KALRN: variants seen among roughly 807,000 people sequenced by gnomAD.
KALRN encodes kalirin RhoGEF kinase, also known as kalirin.
Under a neutral mutation model 353.7 loss-of-function variants are expected in KALRN, and 70 were observed. The observed-to-expected ratio is 0.20, with a 90% CI of 0.16 to 0.24. The LOEUF (loss-of-function observed/expected upper bound fraction) is 0.24, where lower values mean the gene tolerates loss of function less well. Ranked by LOEUF, KALRN falls within the 10% of genes least tolerant of loss-of-function variation. The pLI, the probability that KALRN is intolerant of heterozygous loss-of-function variation, is 1.00. For missense variants in KALRN, 2,791 were observed against 3,756.7 expected, an observed-to-expected ratio of 0.74 and a Z score of 6.72; for synonymous variants, 1,391 against 1,434.8, an observed-to-expected ratio of 0.97 and a Z score of 0.69.
intron 12 of KALRN, among the ~76,000 whole-genome samples, chr3:124,397,802 A>G (rs1432333619): frequency 6.6e-6 from 1 of 152,162 alleles, no homozygotes; most frequent in Admixed American, 6.5e-5. Flanking sequence ...CCATTTCTTC[A>G]AACCCCCAAA....
intron 37 of KALRN, among the ~76,000 whole-genome samples, chr3:124,642,304 AAGAGAG>A (rs34625612): frequency 8.7e-5 from 13 of 149,902 alleles, no homozygotes; most frequent in Non-Finnish European, 1.3e-4. Flanking sequence ...AAAAAATTAA[AAGAGAG>A]AGAGAGAGAG....
intron 1 of KALRN, among the ~76,000 whole-genome samples, chr3:124,225,199 A>G (rs77970281): frequency 0.011 from 1,621 of 152,316 alleles, 26 homozygotes; most frequent in African/African-American, 0.037. Context: ...CAAGGTCACC[A>G]ATTTCTGAGC....
intron 1 of KALRN, among the ~76,000 whole-genome samples, chr3:124,214,621 T>C (rs573503752): frequency 6.6e-6 from 1 of 152,138 alleles, no homozygotes; most frequent in African/African-American, 2.4e-5. Flanking sequence ...TGCTGGGGAG[T>C]TGGTGAGAAA....
At chr3:124,138,777 G>A (rs934478397) in intron 1 of KALRN, among the ~76,000 whole-genome samples, 5 of 152,174 alleles carry the variant, frequency 3.3e-5, no homozygotes, top group Non-Finnish European at 5.9e-5. Context: ...TGAGTACAGA[G>A]GGGGTAACTC....
chr3:124,479,686 A>G (rs2061768295), intron 27 of KALRN, among the ~76,000 whole-genome samples: 1 of 151,274 alleles, frequency 6.6e-6, no homozygotes, highest in Non-Finnish European at 1.5e-5. Context: ...TTAAAGTCCT[A>G]GAAAGGCTTA....
intron 1 of KALRN, among the ~76,000 whole-genome samples, chr3:124,060,439 A>G (rs2041907853): frequency 1.3e-5 from 2 of 152,096 alleles, no homozygotes; most frequent in African/African-American, 4.8e-5. Flanking sequence ...GGTGTTTTCT[A>G]TTTTTTATTT....
At chr3:124,090,587 C>T (rs1474872174) in intron 1 of KALRN, among the ~76,000 whole-genome samples, 1 of 152,206 alleles carries the variant, frequency 6.6e-6, no homozygotes, top group Non-Finnish European at 1.5e-5. Context: ...AGAGGCCCCT[C>T]TGCCTTCCAG....
chr3:124,697,161 G>A (rs1323534088), intron 54 of KALRN, among the ~76,000 whole-genome samples: 2 of 152,212 alleles, frequency 1.3e-5, no homozygotes, highest in Non-Finnish European at 2.9e-5. Flanking sequence ...GCATCCCAAA[G>A]TGCTAGGATT....
chr3:124,200,240 C>T (rs2075830751), intron 1 of KALRN, among the ~76,000 whole-genome samples: 1 of 152,220 alleles, frequency 6.6e-6, no homozygotes, highest in African/African-American at 2.4e-5. Flanking sequence ...GCCTCTCCCT[C>T]AACTTATAAA....
intron 45 of KALRN, among the ~76,000 whole-genome samples, chr3:124,663,442 G>A (rs889273178): frequency 1.3e-5 from 2 of 152,178 alleles, no homozygotes; most frequent in African/African-American, 4.8e-5. Flanking sequence ...ACACAATTCA[G>A]CCCATAACAG....
intron 21 of KALRN, among the ~76,000 whole-genome samples, chr3:124,447,191 G>A (rs1036364737): frequency 6.6e-6 from 1 of 152,130 alleles, no homozygotes; most frequent in African/African-American, 2.4e-5. Flanking sequence ...CAGGGAAAAG[G>A]GTGTATTCAT....
At chr3:124,586,338 C>T (rs1378530368) in intron 34 of KALRN, among the ~76,000 whole-genome samples, 1 of 152,202 alleles carries the variant, frequency 6.6e-6, no homozygotes, top group Non-Finnish European at 1.5e-5. Context: ...TGCAGGATTT[C>T]TTGGGAGTCC....
intron 51 of KALRN, among the ~76,000 whole-genome samples, chr3:124,692,797 G>A (rs569553539): frequency 2.0e-4 from 31 of 152,306 alleles, no homozygotes; most frequent in African/African-American, 5.8e-4. Flanking sequence ...CAGTTATTAC[G>A]TAATTAACAT....
intron 23 of KALRN, 27 bp from the exon 24 acceptor site, chr3:124,461,863 A>G (rs2059898779): frequency 1.3e-6 from 2 of 1,574,052 alleles, no homozygotes; most frequent in East Asian, 2.2e-5. Flanking sequence ...TCTATATCCA[A>G]GTAAAAGCCC....
intron 1 of KALRN, among the ~76,000 whole-genome samples, chr3:124,175,109 C>T (rs1471120119): frequency 6.6e-6 from 1 of 152,332 alleles, no homozygotes; most frequent in South Asian, 2.1e-4. Flanking sequence ...CTGGCAGGCA[C>T]AGCCCAGCCC....
At chr3:124,235,018 A>T in intron 3 of KALRN, 75 bp downstream of exon 3, 1 of 1,029,082 alleles carries the variant, frequency 9.7e-7, no homozygotes, top group Non-Finnish European at 1.5e-6. Flanking sequence ...AGGAGCCTCC[A>T]TCCCTGCCAG....
chr3:124,175,229 G>A (rs1285258387), intron 1 of KALRN, among the ~76,000 whole-genome samples: 2 of 152,232 alleles, frequency 1.3e-5, no homozygotes, highest in African/African-American at 4.8e-5. Flanking sequence ...CTCAAGATGC[G>A]GAAGGAATAT....
intron 10 of KALRN, among the ~76,000 whole-genome samples, chr3:124,370,461 ATAT>A (rs1370912466): frequency 5.9e-5 from 9 of 152,324 alleles, no homozygotes; most frequent in South Asian, 2.1e-4. Context: ...TAGTAAACAA[ATAT>A]TATCATTCTT....
intron 7 of KALRN, among the ~76,000 whole-genome samples, chr3:124,328,637 A>G (rs1377025197): frequency 6.6e-6 from 1 of 152,212 alleles, no homozygotes; most frequent in Non-Finnish European, 1.5e-5. Flanking sequence ...GAAATGGTCT[A>G]GTGTGTTACA....
Sources: gnomAD v4.1 joint callset for allele counts (sites outside exome capture counted in the v4.1 genomes callset) on GRCh38, gnomAD v4.1.1 for gene constraint, MANE v1.5 for transcripts, NCBI Gene and HGNC (gene_info 2026-07-23, HGNC 2026-07-21) for gene names.